The following CNTN6 variants were observed in gnomAD, a reference collection of about 807,000 sequenced individuals.
CNTN6 encodes the protein contactin 6.
Under a neutral mutation model 122.8 loss-of-function variants are expected in CNTN6, and 137 were observed. The observed-to-expected ratio is 1.12, with a 90% CI of 0.97 to 1.29. The LOEUF is 1.29. CNTN6 is among the 50% of genes most tolerant of loss of function. The probability of loss-of-function intolerance (pLI) is 0.00; values close to 1 mark genes in which losing one functional copy is unlikely to be tolerated. For missense variants in CNTN6, 1,634 were observed against 1,223.4 expected (o/e 1.34, Z -5.01); for synonymous variants, 570 against 426.0 (o/e 1.34, Z -4.16).
intron 2 of CNTN6, among the ~76,000 whole-genome samples, chr3:1,211,841 C>T (rs17035606): frequency 1.3e-5 from 2 of 151,942 alleles, no homozygotes; most frequent in Non-Finnish European, 1.5e-5. Flanking sequence ...AACACCAGAG[C>T]CCAAGAAGAA....
intron 12 of CNTN6, among the ~76,000 whole-genome samples, chr3:1,361,256 T>C (rs1040158235): frequency 1.3e-5 from 2 of 152,158 alleles, no homozygotes; most frequent in Non-Finnish European, 2.9e-5. Flanking sequence ...AATGTTAAGC[T>C]TGGAAACCCA....
At position 1,329,738 on chromosome 3, in the gene CNTN6, A is replaced by C. The variant is rs759812888; in HGVS notation, c.1214-47A>C. 16 of 1,547,002 alleles carry C rather than the reference A, an allele frequency of 1.0e-5. No individual in the cohort carries two copies. In the South Asian group the frequency reaches 1.7e-4, roughly 16 times the overall value. Reference sequence around the variant, plus strand: ...AGCAAGTCACCCCTGGAGTCACTACATGTTAACTGAGTAATTAAACAATTT... The same window carrying C: ...AGCAAGTCACCCCTGGAGTCACTACCTGTTAACTGAGTAATTAAACAATTT... On this transcript the variant is annotated intron_variant, in intron 10 of 22. Transcript: ENST00000446702.
intron 12 of CNTN6, among the ~76,000 whole-genome samples, chr3:1,353,566 C>A (rs1460369004): frequency 6.6e-6 from 1 of 151,512 alleles, no homozygotes; most frequent in African/African-American, 2.4e-5. Context: ...ATTTTTAAGA[C>A]AGAGATGGAC....
chr3:1,280,343 C>T (rs576818531), intron 5 of CNTN6, among the ~76,000 whole-genome samples: 240 of 151,886 alleles, frequency 1.6e-3, no homozygotes, highest in African/African-American at 4.9e-3. Flanking sequence ...TAACAGCGCC[C>T]GTGGGGTCGA....
chr3:1,350,010 T>C (rs1202178003), intron 11 of CNTN6, among the ~76,000 whole-genome samples: 2 of 151,874 alleles, frequency 1.3e-5, no homozygotes, highest in Non-Finnish European at 2.9e-5. Context: ...GTTTGGCTAT[T>C]TTTATAAAAC....
At chr3:1,121,745 A>G (rs2091956667) in intron 1 of CNTN6, among the ~76,000 whole-genome samples, 1 of 151,972 alleles carries the variant, frequency 6.6e-6, no homozygotes, top group African/African-American at 2.4e-5. Flanking sequence ...GTAGTCTAGT[A>G]AGTGATGGAT....
At chr3:1,277,953 G>A (rs942957065) in intron 4 of CNTN6, among the ~76,000 whole-genome samples, 27 of 151,944 alleles carry the variant, frequency 1.8e-4, no homozygotes, top group African/African-American at 2.4e-5. Context: ...TGTCTCATTG[G>A]TTCTGTCACA....
chr3:1,295,188 T>C (rs1575589947), intron 5 of CNTN6, among the ~76,000 whole-genome samples: 1 of 152,230 alleles, frequency 6.6e-6, no homozygotes, highest in East Asian at 1.9e-4. Flanking sequence ...TTTTAACAAG[T>C]ACCTGTAAGT....
In CNTN6 at chr3:1,194,264, A is replaced by T. The variant is rs561163153; in HGVS notation, c.56-26423A>T. ...CAACTATAACATTATTGATATTTTTAAAGGGAGACAACAGGATATCTCTTA... is the reference window on the plus strand; with the variant it reads ...CAACTATAACATTATTGATATTTTTTAAGGGAGACAACAGGATATCTCTTA... On this transcript the variant is annotated intron_variant, in intron 2 of 22. Coordinates refer to ENST00000446702, the MANE Select transcript of CNTN6 (RefSeq NM_001289080.2). Among the ~76,000 whole-genome samples the T allele has an allele frequency of 3.9e-5, 6 of 152,258 alleles. No homozygotes were observed. In the South Asian group the frequency reaches 1.2e-3, roughly 32 times the overall value.
intron 12 of CNTN6, among the ~76,000 whole-genome samples, chr3:1,357,518 C>T (rs1009128265): frequency 6.6e-6 from 1 of 151,856 alleles, no homozygotes; most frequent in East Asian, 1.9e-4. Flanking sequence ...ATATTATTAT[C>T]TCAATTTTAT....
chr3:1,395,200 A>G (rs17038614), intron 20 of CNTN6, among the ~76,000 whole-genome samples: 4,104 of 152,304 alleles, frequency 0.027, 64 homozygotes, highest in Non-Finnish European at 0.038. Context: ...TTACTTTGAC[A>G]TTCTACATCA....
intron 3 of CNTN6, among the ~76,000 whole-genome samples, chr3:1,225,848 T>G (rs1051631494): frequency 6.6e-6 from 1 of 152,112 alleles, no homozygotes; most frequent in African/African-American, 2.4e-5. Flanking sequence ...GTGCAGGAAA[T>G]GGCTAAATAA....
intron 12 of CNTN6, among the ~76,000 whole-genome samples, chr3:1,362,866 C>G (rs1707670101): frequency 6.7e-6 from 1 of 150,310 alleles, no homozygotes; most frequent in Non-Finnish European, 1.5e-5. Flanking sequence ...CACACAGTAG[C>G]AAAACTAAAG....
At position 1,227,931 on chromosome 3, in the gene CNTN6, A is replaced by G. The variant is rs1292365570; in HGVS notation, c.296A>G (p.Gln99Arg). 1 of 1,614,054 alleles carries G rather than the reference A, an allele frequency of 6.2e-7. No individual in the cohort carries two copies. The highest frequency in any genetic ancestry group is 1.1e-5 in the South Asian group (1 of 91,076). ...PHTDQDIGMY[Q>R]CLATNLLGTI... ...ACAGATCAAGATATTGGCATGTACC[A>G]GTGCCTGGCCACCAATCTTCTGGGG... Residue 99 changes from glutamine (Q) to arginine (R), a missense_variant, in exon 4 of 23, where the codon CAG becomes CGG. Coordinates refer to ENST00000446702, the MANE Select transcript of CNTN6 (RefSeq NM_001289080.2).
intron 5 of CNTN6, among the ~76,000 whole-genome samples, chr3:1,290,294 A>G (rs1452973059): frequency 6.6e-6 from 1 of 152,206 alleles, no homozygotes; most frequent in Non-Finnish European, 1.5e-5. Flanking sequence ...TAACTTATTT[A>G]TCTATGAAGT....
intron 11 of CNTN6, among the ~76,000 whole-genome samples, chr3:1,349,962 A>C (rs2126067247): frequency 6.6e-6 from 1 of 151,962 alleles, no homozygotes; most frequent in Admixed American, 6.6e-5. Context: ...GAACTTTTAA[A>C]GTTTATTTTA....
chr3:1,376,766 G>A (rs1366945497), intron 16 of CNTN6, among the ~76,000 whole-genome samples: 1 of 152,036 alleles, frequency 6.6e-6, no homozygotes, highest in Non-Finnish European at 1.5e-5. Context: ...TCAAATACCC[G>A]ATGTTACTCA....
chr3:1,358,194 T>TA (rs1477029260), intron 12 of CNTN6, among the ~76,000 whole-genome samples: 2 of 152,086 alleles, frequency 1.3e-5, no homozygotes, highest in East Asian at 3.9e-4. Flanking sequence ...CTTCAACCGA[T>TA]ACGTTTATTC....
chr3:1,208,218 T>C (rs1476823007), intron 2 of CNTN6, among the ~76,000 whole-genome samples: 1 of 152,144 alleles, frequency 6.6e-6, no homozygotes, highest in Admixed American at 6.6e-5. Flanking sequence ...TCTAACTGTT[T>C]ACAGGTCAAA....
Sources: gnomAD v4.1 joint callset for allele counts (sites outside exome capture counted in the v4.1 genomes callset) on GRCh38, gnomAD v4.1.1 for gene constraint, MANE v1.5 for transcripts, NCBI Gene and HGNC (gene_info 2026-07-23, HGNC 2026-07-21) for gene names.